The following WDFY3 variants were observed in gnomAD, a reference collection of about 807,000 sequenced individuals.
The protein encoded by WDFY3 is WD repeat and FYVE domain-containing protein 3.
A neutral mutation model predicts 409.6 loss-of-function variants in WDFY3; 66 were observed. That is an observed-to-expected ratio of 0.16 (90% confidence interval 0.13 to 0.20). The LOEUF (loss-of-function observed/expected upper bound fraction) is 0.20, where lower values mean the gene tolerates loss of function less well. Ranked by LOEUF, WDFY3 falls within the 10% of genes least tolerant of loss-of-function variation. WDFY3 has a pLI of 1.00. For missense variants in WDFY3, 3,031 were observed against 4,298.1 expected, an observed-to-expected ratio of 0.71 and a Z score of 8.24; for synonymous variants, 1,521 against 1,537.1, an observed-to-expected ratio of 0.99 and a Z score of 0.25.
rs920396734 is a variant in WDFY3 at position 84,734,133 on chromosome 4, G to C, written c.6994-524C>G. Among the ~76,000 whole-genome samples, 5 of 152,144 alleles carry C rather than the reference G, an allele frequency of 3.3e-5. No individual in the cohort carries two copies. In the East Asian group the frequency reaches 9.6e-4, roughly 29 times the overall value. ...AACATGCAGCACTAAGAGGAAACTTGATGTTCATACAAAAATCAAAGAGAA... is the reference window on the plus strand; with the variant it reads ...AACATGCAGCACTAAGAGGAAACTTCATGTTCATACAAAAATCAAAGAGAA... On this transcript the variant is annotated intron_variant, in intron 43 of 67. Transcript: ENST00000295888.
rs1052420475 is a variant in WDFY3, at chr4:84,884,293, CTTA to C, written c.-32+12615_-32+12617del. Among the ~76,000 whole-genome samples the C allele has an allele frequency of 3.3e-5, 5 of 151,966 alleles. No individual in the cohort carries two copies. In the South Asian group the frequency reaches 8.3e-4, roughly 25 times the overall value. On this transcript the variant is annotated intron_variant, in intron 3 of 67. Coordinates refer to ENST00000295888, the MANE Select transcript of WDFY3 (RefSeq NM_014991.6). The stretch of plus-strand genomic sequence containing the variant: ...AAAGCAACCTATTTCTAATGTGAAA[CTTA>C]TTATTGATCTAGGTTTTTTTTTAAT...
intron 7 of WDFY3, among the ~76,000 whole-genome samples, chr4:84,832,102 G>A (rs1441508744): frequency 6.6e-6 from 1 of 151,962 alleles, no homozygotes; most frequent in African/African-American, 2.4e-5. Flanking sequence ...GTATCCAACA[G>A]ATGAATGGAT....
rs772441632 is a variant in WDFY3, at chr4:84,826,887, T to G, written c.1051A>C (p.Lys351Gln). The change falls in exon 10 of 68, where the codon AAA becomes CAA. Residue 351 changes from lysine to glutamine, a missense_variant. This residue lies in a region of WDFY3 where 1,322 missense variants were observed against 1,697.9 expected (regional missense o/e 0.78). Coordinates refer to ENST00000295888, the MANE Select transcript of WDFY3 (RefSeq NM_014991.6). ...GCCCCTGTGGTAATACCAGCTGGTT[T>G]TAGTTCACTGACACCATATGTTGTT... ...SLTTYGVSEL[K>Q]PAGITTGAPF... The G allele has an allele frequency of 1.7e-5, 27 of 1,610,888 alleles. No homozygotes were observed. Among genetic ancestry groups the G allele is most frequent in the Non-Finnish European group, 2.2e-5 (26 of 1,179,252 alleles).
intron 1 of WDFY3, among the ~76,000 whole-genome samples, chr4:84,946,781 T>C (rs1172321757): frequency 6.6e-6 from 1 of 152,076 alleles, no homozygotes; most frequent in Non-Finnish European, 1.5e-5. Flanking sequence ...ACACCTGATC[T>C]GAACGAGGTT....
chr4:84,817,467 A>G lies in WDFY3; in HGVS notation c.1812T>C (p.Asp604=), dbSNP rs543637189. The G allele has an allele frequency of 3.3e-5, 53 of 1,613,706 alleles. No homozygotes were observed. Among genetic ancestry groups the G allele is most frequent in the Non-Finnish European group, 4.3e-5 (51 of 1,179,818 alleles). The change falls in exon 13 of 68, where the codon GAT becomes GAC. Residue 604 remains aspartate, a synonymous_variant. Coordinates refer to ENST00000295888, the MANE Select transcript of WDFY3 (RefSeq NM_014991.6). ...TTAGCCCCAGGAGAGTGCCCATGTC[A>G]TCGTCCCCATTTGGGGAGAGCACCA... ...QQLVLSPNGD[D]DMGTLLGLMH...
At chr4:84,714,064 C>T (rs1204592114) in intron 50 of WDFY3, among the ~76,000 whole-genome samples, 3 of 151,658 alleles carry the variant, frequency 2.0e-5, no homozygotes, top group South Asian at 2.1e-4. Flanking sequence ...TGCAGTGAGC[C>T]GAGATTGCGC....
chr4:84,787,757 C>T (rs188471938), intron 22 of WDFY3, 44 bp from the exon 23 acceptor site: 1 of 1,506,374 alleles, frequency 6.6e-7, no homozygotes. Context: ...TGAACACTTT[C>T]CCCAGGAAAA....
chr4:84,676,912 A>C (rs2148725821), intron 67 of WDFY3, among the ~76,000 whole-genome samples: 1 of 152,356 alleles, frequency 6.6e-6, no homozygotes, highest in Non-Finnish European at 1.5e-5. Context: ...CAATGTATCT[A>C]TAGTGTTTAT....
intron 1 of WDFY3, among the ~76,000 whole-genome samples, chr4:84,952,207 C>A (rs377457427): frequency 6.6e-6 from 1 of 152,128 alleles, no homozygotes; most frequent in Non-Finnish European, 1.5e-5. Flanking sequence ...AACACCTATG[C>A]CAACCCATGT....
At chr4:84,751,298 A>T (rs1740473666) in intron 36 of WDFY3, 185 bp downstream of exon 36, 1 of 636,864 alleles carries the variant, frequency 1.6e-6, no homozygotes. Context: ...TGAGGGAAGG[A>T]AAAGAACAAA....
chr4:84,683,200 GTGTT>G (rs1340089351), intron 63 of WDFY3, among the ~76,000 whole-genome samples: 2 of 152,170 alleles, frequency 1.3e-5, no homozygotes, highest in Admixed American at 1.3e-4. Flanking sequence ...CAGGGTGTGT[GTGTT>G]TGTGAGTTTT....
chr4:84,672,655 C>G lies in WDFY3; in HGVS notation c.*213G>C. 1 of 470,718 alleles carries G rather than the reference C, an allele frequency of 2.1e-6. No individual in the cohort carries two copies. Among genetic ancestry groups the G allele is most frequent in the Non-Finnish European group, 3.5e-6 (1 of 282,802 alleles). 29.2% of individuals were successfully genotyped at this position (470,718 alleles called of 1,614,324 possible). ...AAAGTGTTGCTCCTAGGAACCACCT[C>G]ATATTCTTCTTGTGCTGTTCACCTG... On this transcript the variant is annotated 3_prime_UTR_variant, in exon 68 of 68. Transcript: ENST00000295888.
At chr4:84,858,797 T>G in intron 4 of WDFY3, among the ~76,000 whole-genome samples, 1 of 147,848 alleles carries the variant, frequency 6.8e-6, no homozygotes, top group African/African-American at 2.5e-5. Context: ...AGGGGGTGGG[T>G]GTGGAGAAAG....
intron 1 of WDFY3, among the ~76,000 whole-genome samples, chr4:84,958,388 C>T (rs1774506013): frequency 6.6e-6 from 1 of 152,204 alleles, no homozygotes. Context: ...TATAATTCAA[C>T]AAACATTAAT....
At chr4:84,884,001 T>A (rs1359015134) in intron 3 of WDFY3, among the ~76,000 whole-genome samples, 1 of 152,106 alleles carries the variant, frequency 6.6e-6, no homozygotes, top group African/African-American at 2.4e-5. Context: ...AAATTACAAT[T>A]TGAATTGAGA....
At chr4:84,695,502 A>AGG in intron 58 of WDFY3, among the ~76,000 whole-genome samples, 1 of 132,310 alleles carries the variant, frequency 7.6e-6, no homozygotes, top group African/African-American at 3.2e-5. Context: ...ACAGAGACAG[A>AGG]GAGAGATAGA....
chr4:84,892,214 C>T (rs1765047344), intron 3 of WDFY3, among the ~76,000 whole-genome samples: 2 of 151,782 alleles, frequency 1.3e-5, no homozygotes, highest in Admixed American at 1.3e-4. Flanking sequence ...CATAGCGTCA[C>T]AATCAACATC....
intron 3 of WDFY3, among the ~76,000 whole-genome samples, chr4:84,875,856 T>C (rs1560980549): frequency 6.6e-6 from 1 of 152,320 alleles, no homozygotes; most frequent in African/African-American, 2.4e-5. Context: ...ATAACCCATA[T>C]GGAGCTGTTA....
chr4:84,892,361 C>CA lies in WDFY3; in HGVS notation c.-32+4549dup, dbSNP rs34199696. On this transcript the variant is annotated intron_variant, in intron 3 of 67. Coordinates refer to ENST00000295888, the MANE Select transcript of WDFY3 (RefSeq NM_014991.6). ...GTGCGTGCATGTGTGTAAGAATCTC[C>CA]AAAAAAAAAGGACTCTAAAAAAAAG... Among the ~76,000 whole-genome samples, 37 of 145,508 alleles carry CA rather than the reference C, an allele frequency of 2.5e-4. No individual in the cohort carries two copies. The Middle Eastern group carries it at 0.011, about 42-fold the overall frequency.
Sources: allele counts gnomAD v4.1 joint callset (sites outside exome capture counted in the v4.1 genomes callset), GRCh38; gene constraint gnomAD v4.1.1; regional missense constraint gnomAD v4.1.1; transcripts MANE v1.5; gene names NCBI Gene and HGNC (gene_info 2026-07-23, HGNC 2026-07-21).